Variants in SLC19A2 observed in about 807,000 individuals in gnomAD.
The protein encoded by SLC19A2 is solute carrier family 19 member 2, also known as thiamine transporter 1.
A neutral mutation model predicts 44.7 loss-of-function variants in SLC19A2; 27 were observed. The observed-to-expected ratio is 0.60, with a 90% CI of 0.45 to 0.83. SLC19A2 has a LOEUF of 0.83. SLC19A2 is among the 40% of genes least tolerant of loss of function. SLC19A2 has a pLI of 0.00. For synonymous variants in SLC19A2, 239 were observed against 243.6 expected (o/e 0.98, Z 0.18); for missense variants, 566 against 613.7 (o/e 0.92, Z 0.82).
At chr1:169,481,902 C>CAAA (rs1316373438) in intron 1 of SLC19A2, among the ~76,000 whole-genome samples, 2 of 152,118 alleles carry the variant, frequency 1.3e-5, no homozygotes, top group Non-Finnish European at 2.9e-5. Context: ...ACGGAGGTGA[C>CAAA]AAAAAGAATA....
Position 169,463,973 on chromosome 1 carries a change from T to C in SLC19A2, c.*1876A>G, listed in dbSNP as rs1348420274. The C allele has an allele frequency of 6.6e-6, 1 of 152,492 alleles. No individual in the cohort carries two copies. Among genetic ancestry groups the C allele is most frequent in the South Asian group, 2.1e-4 (1 of 4,832 alleles). 9.4% of individuals were successfully genotyped at this position (152,492 alleles called of 1,614,324 possible). A position where few individuals can be genotyped will look rare whatever the true frequency, so the allele number is the denominator to read the frequency against. On this transcript the variant is annotated 3_prime_UTR_variant, in exon 6 of 6. Transcript: ENST00000236137. ...TTAATAAAAATAATTTTATAATCTA[T>C]ACAGAATTGAATAAAAAGTACAACA...
chr1:169,471,060 C>CAAA (rs34821464), intron 2 of SLC19A2, among the ~76,000 whole-genome samples: 2 of 133,428 alleles, frequency 1.5e-5, no homozygotes, highest in Non-Finnish European at 3.2e-5. Context: ...CTATCTCTAC[C>CAAA]AAAAAAAAAA....
intron 1 of SLC19A2, among the ~76,000 whole-genome samples, chr1:169,481,465 A>G (rs1406626676): frequency 5.3e-5 from 8 of 152,246 alleles, no homozygotes. Flanking sequence ...AGGTGCTTTT[A>G]CAGGGCATTC....
rs1658090983 is a variant in SLC19A2 at position 169,468,631 on chromosome 1, C to T, written c.1223+13G>A. ...CAATTTTTCCTAAGGCTTCTATGAG[C>T]CAAAATACATACGTTGCTATCGTGA... On this transcript the variant is annotated intron_variant, in intron 4 of 5. Transcript: ENST00000236137. The T allele has an allele frequency of 6.2e-7, 1 of 1,611,628 alleles. No individual in the cohort carries two copies. The highest frequency in any genetic ancestry group is 1.7e-5 in the Admixed American group (1 of 59,904).
intron 1 of SLC19A2, among the ~76,000 whole-genome samples, chr1:169,478,542 T>C (rs1423861694): frequency 7.0e-6 from 1 of 142,268 alleles, no homozygotes; most frequent in Non-Finnish European, 1.5e-5. Context: ...TTTTTTTTTT[T>C]TTTTTTTTTT....
chr1:169,483,331 A>G (rs1056349116), intron 1 of SLC19A2, among the ~76,000 whole-genome samples: 1 of 152,168 alleles, frequency 6.6e-6, no homozygotes, highest in African/African-American at 2.4e-5. Flanking sequence ...TTAACTGTCC[A>G]TGGCAAAAAA....
chr1:169,485,774 G>A lies in SLC19A2; in HGVS notation c.-8C>T, dbSNP rs1658549038. 1.3e-6 allele frequency: 2 copies of A among 1,527,986 alleles called. No individual in the cohort carries two copies. The highest frequency in any genetic ancestry group is 1.7e-6 in the Non-Finnish European group (2 of 1,142,934). 94.7% of individuals were successfully genotyped at this position (1,527,986 alleles called of 1,614,324 possible). A position where few individuals can be genotyped will look rare whatever the true frequency, so the allele number is the denominator to read the frequency against. On this transcript the variant is annotated 5_prime_UTR_variant, in exon 1 of 6. Coordinates refer to ENST00000236137, the MANE Select transcript of SLC19A2 (RefSeq NM_006996.3). The stretch of plus-strand genomic sequence containing the variant: ...CGGGCCGGGCACATCCATCCGGGGC[G>A]CGAGGGGAGGGGACCCGGCCCGGCC...
chr1:169,482,369 G>A (rs1406929176), intron 1 of SLC19A2, among the ~76,000 whole-genome samples: 3 of 152,140 alleles, frequency 2.0e-5, no homozygotes, highest in East Asian at 1.9e-4. Flanking sequence ...GCAAAACCCC[G>A]ACTCTACTAA....
At chr1:169,480,632 C>T (rs12059944) in intron 1 of SLC19A2, among the ~76,000 whole-genome samples, 1 of 152,074 alleles carries the variant, frequency 6.6e-6, no homozygotes, top group East Asian at 1.9e-4. Context: ...ACTGCCTCCT[C>T]TGTTTGACTA....
At chr1:169,467,490 T>C (rs1389035825) in intron 5 of SLC19A2, among the ~76,000 whole-genome samples, 1 of 136,312 alleles carries the variant, frequency 7.3e-6, no homozygotes, top group Non-Finnish European at 1.5e-5. Flanking sequence ...AAATACTTCT[T>C]GATTCATTCA....
At position 169,485,674 on chromosome 1, in the gene SLC19A2, G is replaced by T. The variant is rs553661594; in HGVS notation, c.93C>A (p.Phe31Leu). 2.5e-5 allele frequency: 39 copies of T among 1,551,352 alleles called. 1 individual carries two copies. The highest frequency in any genetic ancestry group is 1.8e-4 in the Middle Eastern group (1 of 5,686). Residue 31 changes from phenylalanine (F) to leucine (L), a missense_variant, in exon 1 of 6, where the codon TTC (phenylalanine) becomes TTA (leucine). Coordinates refer to ENST00000236137, the MANE Select transcript of SLC19A2 (RefSeq NM_006996.3). ...RTARVRRECWFLPTALLCAYG... is the reference protein window; with the variant it reads ...RTARVRRECWLLPTALLCAYG... ...AGGCGCAGAGCAGCGCGGTCGGCAA[G>T]AACCAGCATTCGCGACGGACCCGAG...
rs963276324 is a variant in SLC19A2, at chr1:169,465,477, C to A, written c.*372G>T. The A allele has an allele frequency of 7.8e-6, 2 of 256,232 alleles. No homozygotes were observed. The highest frequency in any genetic ancestry group is 4.6e-5 in the African/African-American group (2 of 43,850). The allele number at this position is 256,232 out of a possible 1,614,324, so 15.9% of individuals were successfully genotyped here. A position where few individuals can be genotyped will look rare whatever the true frequency, so the allele number is the denominator to read the frequency against. On this transcript the variant is annotated 3_prime_UTR_variant, in exon 6 of 6. Coordinates refer to ENST00000236137, the MANE Select transcript of SLC19A2 (RefSeq NM_006996.3). ...TCTGTGGAGCCCTGGTCCCACCAGGCCAAGCATCTGGCTAAGTAGATACAG... is the reference window on the plus strand; with the variant it reads ...TCTGTGGAGCCCTGGTCCCACCAGGACAAGCATCTGGCTAAGTAGATACAG...
chr1:169,468,887 G>A (rs1658100247), intron 3 of SLC19A2, 51 bp from the exon 4 acceptor site: 11 of 1,521,460 alleles, frequency 7.2e-6, no homozygotes, highest in Non-Finnish European at 9.1e-6. Context: ...AAATGCTGTT[G>A]CAATAAATTA....
chr1:169,473,963 A>G (rs1322725810), intron 2 of SLC19A2: 2 of 152,054 alleles, frequency 1.3e-5, no homozygotes, highest in African/African-American at 4.8e-5. Context: ...AAATAACTGT[A>G]TAAGGTAGAT....
intron 2 of SLC19A2, among the ~76,000 whole-genome samples, chr1:169,472,698 T>C (rs1658216730): frequency 6.6e-6 from 1 of 152,216 alleles, no homozygotes; most frequent in Non-Finnish European, 1.5e-5. Flanking sequence ...ATCTATTATC[T>C]GGCCATGCCA....
In SLC19A2 at chr1:169,485,754, C is replaced by A. The variant is rs768513895; in HGVS notation, c.13G>T (p.Gly5Cys). 1 of 1,534,586 alleles carries A rather than the reference C, an allele frequency of 6.5e-7. No homozygotes were observed. Among genetic ancestry groups the A allele is most frequent in the Non-Finnish European group, 8.7e-7 (1 of 1,144,824 alleles). The part of the protein sequence containing the change: MDVP[G>C]PVSRRAAAAA... ...GCCGCCGCCCGCCGAGACACCGGGC[C>A]GGGCACATCCATCCGGGGCGCGAGG... Residue 5 changes from glycine (G) to cysteine (C), a missense_variant, in exon 1 of 6, where the codon GGC becomes TGC. Coordinates refer to ENST00000236137, the MANE Select transcript of SLC19A2 (RefSeq NM_006996.3).
intron 5 of SLC19A2, among the ~76,000 whole-genome samples, chr1:169,466,779 C>G (rs1658004004): frequency 6.6e-6 from 1 of 151,334 alleles, no homozygotes; most frequent in South Asian, 2.1e-4. Context: ...TGAGAACATG[C>G]AGTGTTTGGT....
chr1:169,471,495 ACACACAC>A (rs1452523814), intron 2 of SLC19A2, among the ~76,000 whole-genome samples: 2 of 135,878 alleles, frequency 1.5e-5, no homozygotes, highest in Admixed American at 7.6e-5. Flanking sequence ...ACACACACAC[ACACACAC>A]ACACACAATT....
At chr1:169,483,052 A>T (rs1244124077) in intron 1 of SLC19A2, among the ~76,000 whole-genome samples, 1 of 152,242 alleles carries the variant, frequency 6.6e-6, no homozygotes, top group Non-Finnish European at 1.5e-5. Flanking sequence ...ATTAACATAC[A>T]GTCAAATTTT....
Sources: gnomAD v4.1 joint callset for allele counts (sites outside exome capture counted in the v4.1 genomes callset) on GRCh38, gnomAD v4.1.1 for gene constraint, MANE v1.5 for transcripts, NCBI Gene and HGNC (gene_info 2026-07-23, HGNC 2026-07-21) for gene names.